The following CHRM2 variants were observed in gnomAD, a reference collection of about 807,000 sequenced individuals.
CHRM2 encodes the protein muscarinic acetylcholine receptor M2.
A neutral mutation model predicts 25.0 loss-of-function variants in CHRM2; 8 were observed. That is an observed-to-expected ratio of 0.32 (90% CI 0.19 to 0.58). The LOEUF is 0.58. Among genes scored for constraint, CHRM2 ranks in the 20% least tolerant of loss-of-function variants. The pLI, the probability that CHRM2 is intolerant of heterozygous loss-of-function variation, is 0.88. For missense variants in CHRM2, 440 were observed against 567.1 expected, an observed-to-expected ratio of 0.78 and a Z score of 2.28; for synonymous variants, 202 against 205.7, an observed-to-expected ratio of 0.98 and a Z score of 0.15.
intron 3 of CHRM2, among the ~76,000 whole-genome samples, chr7:136,997,225 T>C (rs1325993167): frequency 6.6e-6 from 1 of 152,200 alleles, no homozygotes; most frequent in African/African-American, 2.4e-5. Context: ...TGCATGCTCA[T>C]GTATGTGTGT....
chr7:136,920,731 C>T (rs917119884), intron 2 of CHRM2, among the ~76,000 whole-genome samples: 2 of 152,104 alleles, frequency 1.3e-5, no homozygotes, highest in Non-Finnish European at 2.9e-5. Flanking sequence ...TTTCTCAAAG[C>T]ATAAGCTCAA....
At chr7:136,935,489 A>C (rs1270554153) in intron 2 of CHRM2, among the ~76,000 whole-genome samples, 2 of 152,160 alleles carry the variant, frequency 1.3e-5, no homozygotes, top group Non-Finnish European at 2.9e-5. Flanking sequence ...TTTAAACAAG[A>C]ATAAAGAGGA....
intron 3 of CHRM2, among the ~76,000 whole-genome samples, chr7:137,014,461 T>C (rs1047445500): frequency 6.6e-6 from 1 of 152,046 alleles, no homozygotes; most frequent in African/African-American, 2.4e-5. Context: ...CTTGATGTTT[T>C]AGAAAGTGTT....
intron 2 of CHRM2, among the ~76,000 whole-genome samples, chr7:136,900,240 C>G (rs1415601442): frequency 2.6e-5 from 4 of 152,088 alleles, no homozygotes; most frequent in African/African-American, 4.8e-5. Flanking sequence ...AATGTGGACA[C>G]TGAAGATACT....
At chr7:136,910,422 T>C (rs1424168676) in intron 2 of CHRM2, among the ~76,000 whole-genome samples, 1 of 151,878 alleles carries the variant, frequency 6.6e-6, no homozygotes, top group Admixed American at 6.6e-5. Flanking sequence ...TGACAGGATT[T>C]TGAATAATCT....
intron 2 of CHRM2, among the ~76,000 whole-genome samples, chr7:136,976,734 A>T (rs1416201257): frequency 6.6e-6 from 1 of 152,152 alleles, no homozygotes; most frequent in Non-Finnish European, 1.5e-5. Flanking sequence ...GTTTTATTTT[A>T]CTCAGAGCAA....
intron 2 of CHRM2, among the ~76,000 whole-genome samples, chr7:136,892,483 A>G (rs1436288108): frequency 6.6e-6 from 1 of 152,092 alleles, no homozygotes; most frequent in Non-Finnish European, 1.5e-5. Context: ...GATTCATGGG[A>G]CGAGCAGAAT....
chr7:136,971,555 T>C (rs1340252045), intron 2 of CHRM2, among the ~76,000 whole-genome samples: 1 of 151,062 alleles, frequency 6.6e-6, no homozygotes, highest in Non-Finnish European at 1.5e-5. Context: ...AGGCGGAGGT[T>C]TCAGTGAGCT....
intron 3 of CHRM2, among the ~76,000 whole-genome samples, chr7:137,001,068 T>C (rs909122807): frequency 6.6e-5 from 10 of 152,168 alleles, no homozygotes; most frequent in African/African-American, 2.2e-4. Context: ...GCTTCCAATC[T>C]ACATTTTAAA....
chr7:136,972,556 A>C (rs1043143525), intron 2 of CHRM2, among the ~76,000 whole-genome samples: 2 of 149,528 alleles, frequency 1.3e-5, no homozygotes, highest in African/African-American at 4.9e-5. Context: ...CTTATGAAAG[A>C]AAAAAAAAAT....
intron 2 of CHRM2, among the ~76,000 whole-genome samples, chr7:136,910,193 T>C (rs1035364331): frequency 1.3e-5 from 2 of 151,904 alleles, no homozygotes; most frequent in African/African-American, 2.4e-5. Context: ...TTATATTTAA[T>C]ATTTAATGCA....
chr7:136,980,654 G>A (rs1802425008), intron 2 of CHRM2, among the ~76,000 whole-genome samples: 1 of 152,122 alleles, frequency 6.6e-6, no homozygotes, highest in African/African-American at 2.4e-5. Flanking sequence ...TAGCAAGAAG[G>A]GGTGTTGAAT....
Position 136,894,980 on chromosome 7 carries a change from C to T in CHRM2, c.-125+25562C>T, listed in dbSNP as rs908504491. Among the ~76,000 whole-genome samples the T allele has an allele frequency of 9.9e-5, 15 of 151,994 alleles. 1 individual carries two copies. The highest frequency in any genetic ancestry group is 3.4e-4 in the African/African-American group (14 of 41,374). On this transcript the variant is annotated intron_variant, in intron 2 of 3. Transcript: ENST00000680005. ...TTGTTTGTTTCTTGTTTCTTTCCCC[C>T]GAGTCAGCATTCTACAACTCTACAG...
At chr7:136,898,405 T>C (rs1797017771) in intron 2 of CHRM2, among the ~76,000 whole-genome samples, 1 of 152,090 alleles carries the variant, frequency 6.6e-6, no homozygotes, top group Admixed American at 6.6e-5. Flanking sequence ...ACCCATTTTT[T>C]GGTACATGGA....
chr7:137,013,131 A>G (rs557571101), intron 3 of CHRM2, among the ~76,000 whole-genome samples: 1 of 151,956 alleles, frequency 6.6e-6, no homozygotes, highest in East Asian at 1.9e-4. Context: ...ACATTGGATA[A>G]TTTTCTATCG....
chr7:136,889,883 G>C (rs12539738), intron 2 of CHRM2, among the ~76,000 whole-genome samples: 33,770 of 151,926 alleles, frequency 0.22, 4,918 homozygotes, highest in Non-Finnish European at 0.32. Flanking sequence ...TATTCCTGTT[G>C]GACTCAGAGA....
intron 2 of CHRM2, among the ~76,000 whole-genome samples, chr7:136,978,981 G>A (rs779009246): frequency 2.0e-5 from 3 of 152,110 alleles, no homozygotes; most frequent in Non-Finnish European, 4.4e-5. Flanking sequence ...TGGGACTGCT[G>A]GGTCAAATGG....
intron 2 of CHRM2, among the ~76,000 whole-genome samples, chr7:136,975,943 T>C (rs563244374): frequency 6.6e-6 from 1 of 152,330 alleles, no homozygotes; most frequent in Admixed American, 6.5e-5. Context: ...GATATGTCTA[T>C]GTGAAATATA....
intron 2 of CHRM2, among the ~76,000 whole-genome samples, chr7:136,896,827 G>A (rs1796922367): frequency 6.6e-6 from 1 of 152,002 alleles, no homozygotes; most frequent in Non-Finnish European, 1.5e-5. Context: ...TGAAAGCCTT[G>A]GACACTACTT....
Sources: gnomAD v4.1 joint callset for allele counts (sites outside exome capture counted in the v4.1 genomes callset) on GRCh38, gnomAD v4.1.1 for gene constraint, MANE v1.5 for transcripts, NCBI Gene and HGNC (gene_info 2026-07-23, HGNC 2026-07-21) for gene names.